The following UBR3 variants were observed in gnomAD, a reference collection of about 807,000 sequenced individuals.
UBR3 encodes the protein E3 ubiquitin-protein ligase UBR3.
A neutral mutation model predicts 243.2 loss-of-function variants in UBR3; 85 were observed. That is an observed-to-expected ratio of 0.35 (90% CI 0.29 to 0.42). The LOEUF (loss-of-function observed/expected upper bound fraction) is 0.42. UBR3 is among the 10% of genes least tolerant of loss of function. The pLI is 1.00. For missense variants in UBR3, 1,686 were observed against 2,300.8 expected (o/e 0.73, Z 5.47); for synonymous variants, 748 against 799.8 (o/e 0.94, Z 1.09).
At chr2:169,925,136 C>T (rs779211364) in intron 13 of UBR3, among the ~76,000 whole-genome samples, 5 of 152,124 alleles carry the variant, frequency 3.3e-5, no homozygotes, top group Non-Finnish European at 7.4e-5. Flanking sequence ...TTCTAACCTC[C>T]AATATTTGGA....
At chr2:169,904,490 C>T (rs938166401) in intron 8 of UBR3, among the ~76,000 whole-genome samples, 1 of 152,030 alleles carries the variant, frequency 6.6e-6, no homozygotes, top group African/African-American at 2.4e-5. Flanking sequence ...AGATTTCGTA[C>T]AAGCCTATCC....
chr2:169,831,635 C>A (rs902470987), intron 1 of UBR3, among the ~76,000 whole-genome samples: 4 of 152,064 alleles, frequency 2.6e-5, no homozygotes, highest in Non-Finnish European at 5.9e-5. Context: ...TTTTCCTGGG[C>A]TATACAGCTA....
intron 1 of UBR3, among the ~76,000 whole-genome samples, chr2:169,838,390 TGTGTGTG>T (rs2082181069): frequency 1.6e-3 from 4 of 2,430 alleles, no homozygotes; most frequent in African/African-American, 3.1e-3. Context: ...AAGGCATTTG[TGTGTGTG>T]TGTGTGTGTG....
intron 23 of UBR3, among the ~76,000 whole-genome samples, chr2:169,958,174 ATC>A (rs2087400651): frequency 1.3e-5 from 2 of 152,194 alleles, no homozygotes; most frequent in Non-Finnish European, 2.9e-5. Context: ...CAAATATTCT[ATC>A]TACCTTAATT....
intron 24 of UBR3, among the ~76,000 whole-genome samples, chr2:169,981,264 A>G (rs1256875045): frequency 6.6e-6 from 1 of 152,010 alleles, no homozygotes; most frequent in Non-Finnish European, 1.5e-5. Flanking sequence ...GGAAAGGGGG[A>G]AAAGAGTTAT....
chr2:169,859,065 A>G (rs1480544768), intron 1 of UBR3, among the ~76,000 whole-genome samples: 1 of 138,804 alleles, frequency 7.2e-6, no homozygotes, highest in Non-Finnish European at 1.5e-5. Context: ...TTTAGTTGTC[A>G]TGTGCCTCAC....
intron 1 of UBR3, among the ~76,000 whole-genome samples, chr2:169,856,393 C>A (rs1000969565): frequency 6.6e-6 from 1 of 152,044 alleles, no homozygotes; most frequent in Non-Finnish European, 1.5e-5. Flanking sequence ...AGACGATGGG[C>A]GGCTGCGCAG....
rs375367964 is a variant in UBR3, at chr2:169,863,328, T to C, written c.546-8908T>C. ...AGTATGTTCATTTAGTGATATTTCA[T>C]TGAGTTGCATACTTAACCTTTTAGG... is the stretch of plus-strand genomic sequence containing the variant. On this transcript the variant is annotated intron_variant, in intron 1 of 38. Transcript: ENST00000272793. Among the ~76,000 whole-genome samples the C allele has an allele frequency of 7.2e-5, 11 of 152,234 alleles. No homozygotes were observed. In the East Asian group the frequency reaches 1.5e-3, roughly 21 times the overall value.
intron 5 of UBR3, among the ~76,000 whole-genome samples, chr2:169,881,513 A>G (rs2083825317): frequency 6.6e-6 from 1 of 151,216 alleles, no homozygotes; most frequent in Non-Finnish European, 1.5e-5. Context: ...TTATATATTG[A>G]TCATATTTTC....
At chr2:170,061,770 C>A (rs1052043872) in intron 35 of UBR3, among the ~76,000 whole-genome samples, 1 of 152,072 alleles carries the variant, frequency 6.6e-6, no homozygotes, top group Non-Finnish European at 1.5e-5. Context: ...ACTAGCCAAG[C>A]CTTGTTTTTA....
At chr2:170,041,582 T>A (rs2090969715) in intron 32 of UBR3, among the ~76,000 whole-genome samples, 1 of 152,244 alleles carries the variant, frequency 6.6e-6, no homozygotes, top group South Asian at 2.1e-4. Flanking sequence ...ATTAGCAACA[T>A]TTTAATTATT....
At chr2:169,991,574 T>A (rs959110404) in intron 25 of UBR3, among the ~76,000 whole-genome samples, 2 of 152,040 alleles carry the variant, frequency 1.3e-5, no homozygotes, top group Non-Finnish European at 2.9e-5. Context: ...AACAACATAC[T>A]CTTTATTTTA....
intron 26 of UBR3, among the ~76,000 whole-genome samples, chr2:169,996,799 A>G (rs2089500834): frequency 6.7e-6 from 1 of 149,338 alleles, no homozygotes; most frequent in African/African-American, 2.5e-5. Context: ...GCCTGGGTTC[A>G]AATGATTCCC....
intron 5 of UBR3, among the ~76,000 whole-genome samples, chr2:169,880,476 CA>C (rs1452500644): frequency 6.6e-6 from 1 of 152,126 alleles, no homozygotes. Flanking sequence ...ACAGAAGTAA[CA>C]ATCATTTTTA....
chr2:169,896,575 A>G lies in UBR3; in HGVS notation c.1305A>G (p.Glu435=). The change falls in exon 8 of 39, where the codon GAA becomes GAG. Residue 435 remains glutamate, a synonymous_variant. Transcript: ENST00000272793. ...TGAAAACACTGAAGAAAAGTCATGA[A>G]TCAGACACAATGTCTAACAGAATTG... is the stretch of plus-strand genomic sequence containing the variant. ...FIMKTLKKSH[E]SDTMSNRIVH... is the part of the protein sequence containing the mutation. 1 of 1,550,654 alleles carries G rather than the reference A, an allele frequency of 6.4e-7. No homozygotes were observed. The highest frequency in any genetic ancestry group is 8.7e-7 in the Non-Finnish European group (1 of 1,146,386).
chr2:170,001,939 A>AAG (rs1553531164), intron 27 of UBR3, among the ~76,000 whole-genome samples: 53 of 116,136 alleles, frequency 4.6e-4, no homozygotes, highest in South Asian at 1.3e-3. Flanking sequence ...AAAAAAAAAA[A>AAG]AAAGAAAGAA....
chr2:170,001,910 C>A (rs1261735470), intron 27 of UBR3, among the ~76,000 whole-genome samples: 1 of 16,658 alleles, frequency 6.0e-5, no homozygotes, highest in East Asian at 2.7e-3. Flanking sequence ...GAGACTCCAT[C>A]TCAAAAAAAA....
chr2:170,074,403 C>T (rs62172049), intron 36 of UBR3, among the ~76,000 whole-genome samples: 8,846 of 152,044 alleles, frequency 0.058, 311 homozygotes, highest in Non-Finnish European at 0.085. Context: ...TAGGAACATG[C>T]GGCTGCTTAA....
chr2:169,904,751 C>T (rs1378202955), intron 8 of UBR3, among the ~76,000 whole-genome samples: 1 of 151,762 alleles, frequency 6.6e-6, no homozygotes, highest in Non-Finnish European at 1.5e-5. Flanking sequence ...TTATTGATTT[C>T]AACAGAAAAT....
Sources: allele counts gnomAD v4.1 joint callset (sites outside exome capture counted in the v4.1 genomes callset), GRCh38; gene constraint gnomAD v4.1.1; transcripts MANE v1.5; gene names NCBI Gene and HGNC (gene_info 2026-07-23, HGNC 2026-07-21).